EFHD1: variants seen among roughly 807,000 people sequenced by gnomAD.
EFHD1 encodes EF-hand domain family member D1.
In EFHD1, 10 loss-of-function variants were observed where a neutral mutation model predicts 17.2. The observed-to-expected ratio is 0.58, with a 90% CI of 0.36 to 0.99. The LOEUF (loss-of-function observed/expected upper bound fraction) is 0.99, where lower values mean the gene tolerates loss of function less well. EFHD1 is among the 50% of genes least tolerant of loss of function. The pLI is 0.01. For missense variants in EFHD1, 310 were observed against 327.5 expected (o/e 0.95, Z 0.41); for synonymous variants, 153 against 142.0 (o/e 1.08, Z -0.55).
chr2:232,664,586 C>CTG (rs910877123), intron 2 of EFHD1, among the ~76,000 whole-genome samples: 6 of 147,214 alleles, frequency 4.1e-5, no homozygotes, highest in African/African-American at 1.5e-4. Flanking sequence ...GTGTGAGCCA[C>CTG]TGTGGCCATC....
intron 3 of EFHD1, among the ~76,000 whole-genome samples, chr2:232,678,276 A>C (rs1011746398): frequency 2.0e-5 from 3 of 152,130 alleles, no homozygotes; most frequent in Non-Finnish European, 1.5e-5. Flanking sequence ...AAAAAGAAAA[A>C]AAAAAAGAAT....
At chr2:232,641,124 C>A (rs1170694647) in intron 1 of EFHD1, among the ~76,000 whole-genome samples, 2 of 152,174 alleles carry the variant, frequency 1.3e-5, no homozygotes, top group Non-Finnish European at 2.9e-5. Flanking sequence ...TCCACTGCAA[C>A]CTCCACCTCC....
rs991865924 is a variant in EFHD1 at position 232,606,235 on chromosome 2, C to A, written c.14+62C>A. On this transcript the variant is annotated intron_variant, in intron 1 of 3. Transcript: ENST00000409613. ...TCTACGATTTTCGACGTTTTCCAGG[C>A]GATTTTTACTCTGGTCCAGAATAGG... is the stretch of plus-strand genomic sequence containing the variant. 39 of 1,528,380 alleles carry A rather than the reference C, an allele frequency of 2.6e-5. 1 individual carries two copies. The African/African-American group carries it at 3.2e-4, about 12-fold the overall frequency. 94.7% of individuals were successfully genotyped at this position (1,528,380 alleles called of 1,614,324 possible).
At chr2:232,651,918 A>C (rs1694661942) in intron 1 of EFHD1, among the ~76,000 whole-genome samples, 2 of 143,018 alleles carry the variant, frequency 1.4e-5, no homozygotes, top group Non-Finnish European at 1.5e-5. Flanking sequence ...CCTGAAAATC[A>C]AGTCTCACTT....
chr2:232,657,045 G>T (rs1694776189), intron 1 of EFHD1, among the ~76,000 whole-genome samples: 1 of 152,202 alleles, frequency 6.6e-6, no homozygotes, highest in South Asian at 2.1e-4. Context: ...CTGCCAGAGT[G>T]CTGGGATAAC....
chr2:232,678,386 GA>G (rs1310070306), intron 3 of EFHD1, among the ~76,000 whole-genome samples: 1 of 152,124 alleles, frequency 6.6e-6, no homozygotes, highest in Non-Finnish European at 1.5e-5. Context: ...AGGTTATCAA[GA>G]AAAAAGTCAT....
At chr2:232,638,395 T>G (rs748613722) in intron 1 of EFHD1, 2 of 471,032 alleles carry the variant, frequency 4.2e-6, no homozygotes, top group Non-Finnish European at 8.8e-6. Context: ...GAAAGTTGTC[T>G]TTTTCTTAAG....
intron 1 of EFHD1, chr2:232,638,235 T>G: frequency 2.4e-6 from 1 of 417,488 alleles, no homozygotes; most frequent in South Asian, 1.8e-5. Flanking sequence ...TCTGGAGGCC[T>G]CTTTCAAAGG....
At chr2:232,659,078 A>C (rs1694813219) in intron 1 of EFHD1, among the ~76,000 whole-genome samples, 1 of 151,898 alleles carries the variant, frequency 6.6e-6, no homozygotes, top group Admixed American at 6.6e-5. Flanking sequence ...TACTCTGCCC[A>C]CTTCTGGGAA....
intron 1 of EFHD1, among the ~76,000 whole-genome samples, chr2:232,634,257 C>G (rs1694272789): frequency 1.3e-5 from 2 of 151,992 alleles, no homozygotes. Context: ...CTGCCGGGCC[C>G]GAGTTCCAGG....
chr2:232,677,436 C>T (rs1695200296), intron 3 of EFHD1, among the ~76,000 whole-genome samples: 2 of 148,092 alleles, frequency 1.4e-5, no homozygotes, highest in South Asian at 2.1e-4. Context: ...TGGGAGCATC[C>T]AGGCCTGGTG....
chr2:232,622,966 A>G (rs1694046699), intron 1 of EFHD1, among the ~76,000 whole-genome samples: 1 of 152,194 alleles, frequency 6.6e-6, no homozygotes, highest in African/African-American at 2.4e-5. Context: ...ATGTTATTAA[A>G]ATTAATTTCA....
chr2:232,675,541 G>A (rs1263991230), intron 3 of EFHD1, among the ~76,000 whole-genome samples: 1 of 152,160 alleles, frequency 6.6e-6, no homozygotes, highest in Non-Finnish European at 1.5e-5. Context: ...TTTCTCCAAG[G>A]TGGGTTTCAG....
chr2:232,625,928 C>T (rs1264414638), intron 1 of EFHD1, among the ~76,000 whole-genome samples: 1 of 152,172 alleles, frequency 6.6e-6, no homozygotes, highest in Non-Finnish European at 1.5e-5. Context: ...TGGTGACTCA[C>T]ACCTGTAATC....
intron 1 of EFHD1, among the ~76,000 whole-genome samples, chr2:232,607,887 A>G (rs1396546414): frequency 1.3e-5 from 2 of 151,066 alleles, no homozygotes; most frequent in Non-Finnish European, 2.9e-5. Flanking sequence ...TGAGTCCAGG[A>G]GTTCTAGACC....
At chr2:232,645,453 T>G (rs1445552177) in intron 1 of EFHD1, among the ~76,000 whole-genome samples, 1 of 152,186 alleles carries the variant, frequency 6.6e-6, no homozygotes, top group African/African-American at 2.4e-5. Flanking sequence ...GCACCCACTG[T>G]GCCTTGGGAC....
chr2:232,640,186 A>AT (rs1559344882), intron 1 of EFHD1, among the ~76,000 whole-genome samples: 1 of 152,198 alleles, frequency 6.6e-6, no homozygotes, highest in East Asian at 1.9e-4. Flanking sequence ...CTGCCAAGAC[A>AT]TGGCCTTCCA....
chr2:232,631,601 G>T (rs1452810304), upstream of EFHD1, among the ~76,000 whole-genome samples: 1 of 149,886 alleles, frequency 6.7e-6, no homozygotes, highest in East Asian at 2.0e-4. Context: ...GTGAGCCACC[G>T]CGCCCAGCCC....
At chr2:232,606,315 C>T (rs2106269280) in intron 1 of EFHD1, 1 of 1,008,482 alleles carries the variant, frequency 9.9e-7, no homozygotes, top group South Asian at 1.4e-5. Context: ...CCTCGCTTCC[C>T]TGCCCCGCGC....
Sources: allele counts gnomAD v4.1 joint callset (sites outside exome capture counted in the v4.1 genomes callset), GRCh38; gene constraint gnomAD v4.1.1; transcripts MANE v1.5; gene names NCBI Gene and HGNC (gene_info 2026-07-23, HGNC 2026-07-21).